The following CCDC148 variants were observed in gnomAD, a reference collection of about 807,000 sequenced individuals.
The protein encoded by CCDC148 is coiled-coil domain containing 148, also known as coiled-coil domain-containing protein 148.
Under a neutral mutation model 85.7 loss-of-function variants are expected in CCDC148, and 89 were observed. That is an observed-to-expected ratio of 1.04 (90% CI 0.87 to 1.24). The LOEUF (loss-of-function observed/expected upper bound fraction) is 1.24, where lower values mean the gene tolerates loss of function less well. CCDC148 is among the 50% of genes most tolerant of loss of function. CCDC148 has a pLI of 0.00. For missense variants in CCDC148, 692 were observed against 671.7 expected (o/e 1.03, Z -0.33); for synonymous variants, 230 against 213.9 (o/e 1.08, Z -0.66).
intron 1 of CCDC148, among the ~76,000 whole-genome samples, chr2:158,408,027 T>C (rs532591200): frequency 2.0e-5 from 3 of 152,332 alleles, no homozygotes; most frequent in African/African-American, 7.2e-5. Context: ...TGGGTCCAAG[T>C]AAGTTTTTCA....
intron 1 of CCDC148, among the ~76,000 whole-genome samples, chr2:158,360,687 C>G (rs2105269191): frequency 6.6e-6 from 1 of 152,194 alleles, no homozygotes; most frequent in East Asian, 1.9e-4. Flanking sequence ...ACATCAAAGA[C>G]CAAAGATAGA....
chr2:158,356,675 A>G (rs1683656277), intron 2 of CCDC148, among the ~76,000 whole-genome samples: 1 of 146,586 alleles, frequency 6.8e-6, no homozygotes, highest in African/African-American at 2.5e-5. Context: ...CAGTGTGGCG[A>G]TTCCTCAGGG....
At chr2:158,222,154 T>C (rs1294944347) in intron 10 of CCDC148, among the ~76,000 whole-genome samples, 1 of 152,230 alleles carries the variant, frequency 6.6e-6, no homozygotes, top group Non-Finnish European at 1.5e-5. Context: ...AGAACAGATA[T>C]GGAATCAAAG....
chr2:158,379,734 C>T (rs1043290825), intron 1 of CCDC148, among the ~76,000 whole-genome samples: 4 of 152,124 alleles, frequency 2.6e-5, no homozygotes, highest in African/African-American at 9.7e-5. Context: ...CTGAGATGAG[C>T]ATTGGCATTT....
At chr2:158,446,375 C>G (rs1204509954) in intron 1 of CCDC148, among the ~76,000 whole-genome samples, 1 of 151,942 alleles carries the variant, frequency 6.6e-6, no homozygotes, top group East Asian at 1.9e-4. Flanking sequence ...TCAATTCCAT[C>G]CACCAATTAT....
intron 1 of CCDC148, among the ~76,000 whole-genome samples, chr2:158,392,665 A>G (rs1171308288): frequency 6.6e-6 from 1 of 152,120 alleles, no homozygotes; most frequent in East Asian, 1.9e-4. Flanking sequence ...ACTATATACT[A>G]TATAAATTAT....
At chr2:158,404,153 A>G (rs1010389041) in intron 1 of CCDC148, among the ~76,000 whole-genome samples, 4 of 152,172 alleles carry the variant, frequency 2.6e-5, no homozygotes, top group Non-Finnish European at 5.9e-5. Flanking sequence ...AGCCATTATT[A>G]TCATTGACAG....
In CCDC148 at chr2:158,293,335, C is replaced by A. The variant is rs536287554; in HGVS notation, c.1110+16098G>T. On this transcript the variant is annotated intron_variant, in intron 9 of 13. Coordinates refer to ENST00000283233, the MANE Select transcript of CCDC148 (RefSeq NM_138803.4). ...AGGAGCCAACACACCTTACACTTGT[C>A]TGCACACTAGGTTGCACCATATGAT... Among the ~76,000 whole-genome samples the A allele has an allele frequency of 4.2e-4, 64 of 152,332 alleles. 1 individual carries two copies. Among genetic ancestry groups the A allele is most frequent in the African/African-American group, 1.5e-3 (61 of 41,566 alleles).
chr2:158,337,410 A>C (rs373025111), intron 7 of CCDC148, among the ~76,000 whole-genome samples: 6 of 152,284 alleles, frequency 3.9e-5, no homozygotes, highest in African/African-American at 1.4e-4. Flanking sequence ...GATGAGTTCT[A>C]AAATCTCTTT....
At chr2:158,280,392 C>A (rs1690218040) in intron 9 of CCDC148, among the ~76,000 whole-genome samples, 1 of 152,096 alleles carries the variant, frequency 6.6e-6, no homozygotes. Context: ...ATCTCACATG[C>A]AGAGACACAC....
intron 3 of CCDC148, 70 bp downstream of exon 3, chr2:158,345,145 G>C: frequency 9.6e-7 from 1 of 1,043,716 alleles, no homozygotes; most frequent in South Asian, 1.6e-5. Context: ...GAACATTATA[G>C]AACATCTGAC....
chr2:158,279,903 A>G (rs917020490), intron 9 of CCDC148, among the ~76,000 whole-genome samples: 10 of 151,368 alleles, frequency 6.6e-5, no homozygotes, highest in African/African-American at 2.2e-4. Context: ...ACAAAGGGAA[A>G]CCCATCAGAC....
intron 11 of CCDC148, among the ~76,000 whole-genome samples, chr2:158,187,823 G>A (rs1367178444): frequency 6.6e-6 from 1 of 151,976 alleles, no homozygotes. Flanking sequence ...ACAAATATCT[G>A]CAGCCTCCAC....
chr2:158,355,206 A>G (rs954217381), intron 2 of CCDC148, among the ~76,000 whole-genome samples: 2 of 152,080 alleles, frequency 1.3e-5, no homozygotes, highest in East Asian at 1.9e-4. Context: ...CCTATTCAAC[A>G]TAGTGTTGGA....
At chr2:158,321,812 G>A (rs1050337113) in intron 7 of CCDC148, among the ~76,000 whole-genome samples, 2 of 152,018 alleles carry the variant, frequency 1.3e-5, no homozygotes, top group Admixed American at 1.3e-4. Flanking sequence ...AGTTTATTTT[G>A]AAATATGGTT....
intron 1 of CCDC148, among the ~76,000 whole-genome samples, chr2:158,416,188 A>G (rs757282104): frequency 6.6e-6 from 1 of 152,188 alleles, no homozygotes; most frequent in Non-Finnish European, 1.5e-5. Context: ...CAGTGTCCCA[A>G]GGCTGCACAG....
At chr2:158,439,325 A>ACATGAT in intron 1 of CCDC148, among the ~76,000 whole-genome samples, 1 of 151,364 alleles carries the variant, frequency 6.6e-6, no homozygotes, top group Admixed American at 6.6e-5. Flanking sequence ...TGTCCTTTGT[A>ACATGAT]GGGACATGGA....
intron 11 of CCDC148, among the ~76,000 whole-genome samples, chr2:158,192,144 C>G (rs745634540): frequency 2.6e-5 from 4 of 152,056 alleles, no homozygotes; most frequent in Non-Finnish European, 5.9e-5. Flanking sequence ...ATAGCCCCCT[C>G]TTTTAAAGGA....
chr2:158,365,471 C>T (rs1438301498), intron 1 of CCDC148, among the ~76,000 whole-genome samples: 1 of 152,092 alleles, frequency 6.6e-6, no homozygotes, highest in Non-Finnish European at 1.5e-5. Context: ...AAATACTATG[C>T]AGCCATAAAA....
Sources: gnomAD v4.1 joint callset for allele counts (sites outside exome capture counted in the v4.1 genomes callset) on GRCh38, gnomAD v4.1.1 for gene constraint, MANE v1.5 for transcripts, NCBI Gene and HGNC (gene_info 2026-07-23, HGNC 2026-07-21) for gene names.